Variants in PCDH10 observed in about 807,000 individuals in gnomAD.
PCDH10 encodes the protein protocadherin-10.
PCDH10 carries 15 observed loss-of-function variants against 74.4 expected under a neutral mutation model. The observed-to-expected ratio is 0.20, with a 90% CI of 0.13 to 0.31. The LOEUF (loss-of-function observed/expected upper bound fraction) is 0.31, where lower values mean the gene tolerates loss of function less well. Ranked by LOEUF, PCDH10 falls within the 10% of genes least tolerant of loss-of-function variation. PCDH10 has a pLI of 1.00. For missense variants in PCDH10, 1,260 were observed against 1,390.2 expected (o/e 0.91, Z 1.49); for synonymous variants, 619 against 589.8 (o/e 1.05, Z -0.72).
At chr4:133,176,579 TC>T (rs901198832) in intron 4 of PCDH10, among the ~76,000 whole-genome samples, 2 of 152,142 alleles carry the variant, frequency 1.3e-5, no homozygotes, top group African/African-American at 4.8e-5. Context: ...CTCCAAATGT[TC>T]TTTTCACAAT....
chr4:133,179,813 A>C (rs1401410942), intron 4 of PCDH10, among the ~76,000 whole-genome samples: 2 of 152,130 alleles, frequency 1.3e-5, no homozygotes, highest in Admixed American at 1.3e-4. Flanking sequence ...GTAGACGCTC[A>C]TAAATGCTTA....
chr4:133,154,214 A>C, intron 1 of PCDH10, 93 bp from the exon 2 acceptor site: 1 of 743,024 alleles, frequency 1.3e-6, no homozygotes, highest in Non-Finnish European at 2.3e-6. Context: ...GTATACAATT[A>C]CTTAAGCTAG....
rs2125856582 is a variant in PCDH10, at chr4:133,149,978, A to G, written c.-163A>G. 9.6e-7 allele frequency: 1 copy of G among 1,040,008 alleles called. No homozygotes were observed. Among genetic ancestry groups the G allele is most frequent in the East Asian group, 2.8e-5 (1 of 35,776 alleles). The allele number at this position is 1,040,008 out of a possible 1,614,324, so 64.4% of individuals were successfully genotyped here. ...AGGCTGGATTGCGGGAAGCTCTAAA[A>G]TGAAGCAAAAGGAGTAAGATTTTTA... is the stretch of plus-strand genomic sequence containing the variant. On this transcript the variant is annotated 5_prime_UTR_variant, in exon 1 of 5. An upstream start codon of the reference 5' UTR is lost. Transcript: ENST00000264360.
intron 4 of PCDH10, among the ~76,000 whole-genome samples, chr4:133,175,446 G>A (rs961857675): frequency 6.6e-6 from 1 of 151,998 alleles, no homozygotes; most frequent in Non-Finnish European, 1.5e-5. Context: ...CTAGAACTAG[G>A]TTATAGAAAT....
At chr4:133,171,196 C>G (rs937327403) in intron 4 of PCDH10, among the ~76,000 whole-genome samples, 1 of 152,072 alleles carries the variant, frequency 6.6e-6, no homozygotes, top group Non-Finnish European at 1.5e-5. Flanking sequence ...CCAATATTAC[C>G]TGTGTTTGAT....
Position 133,151,205 on chromosome 4 carries a change from G to A in PCDH10, c.1065G>A (p.Ala355=), listed in dbSNP as rs1301235071. The stretch of plus-strand genomic sequence containing the variant: ...GAGTACTGGATGCTAATGACAACGC[G>A]CCAGAGATCAGCTTCAGCACCGTGA... ...LVRVLDANDN[A]PEISFSTVKE... The change falls in exon 1 of 5, where the codon GCG becomes GCA. Residue 355 remains alanine (A), a synonymous_variant. Transcript: ENST00000264360. The A allele has an allele frequency of 6.2e-7, 1 of 1,614,024 alleles. No individual in the cohort carries two copies. The highest frequency in any genetic ancestry group is 2.2e-5 in the East Asian group (1 of 44,864).
intron 2 of PCDH10, among the ~76,000 whole-genome samples, chr4:133,154,712 C>T (rs1020039369): frequency 6.6e-6 from 1 of 152,136 alleles, no homozygotes; most frequent in Admixed American, 6.5e-5. Flanking sequence ...CTAAACTTTA[C>T]ATGACTTAAG....
chr4:133,154,828 G>A lies in PCDH10; in HGVS notation c.2691-89G>A. The A allele has an allele frequency of 4.5e-6, 4 of 893,308 alleles. No individual in the cohort carries two copies. In the South Asian group the frequency reaches 5.6e-5, roughly 12 times the overall value. The allele number at this position is 893,308 out of a possible 1,614,324, so 55.3% of individuals were successfully genotyped here. ...CAACTAAGAGGTCTGTGAGTCTGCA[G>A]CACCATCTGTGACCATGTGGTGGCA... On this transcript the variant is annotated intron_variant, in intron 2 of 4. Coordinates refer to ENST00000264360, the MANE Select transcript of PCDH10 (RefSeq NM_032961.3).
intron 2 of PCDH10, among the ~76,000 whole-genome samples, chr4:133,204,258 C>T (rs1727959994): frequency 6.6e-6 from 1 of 152,142 alleles, no homozygotes; most frequent in Admixed American, 6.5e-5. Flanking sequence ...TATCGGTCCC[C>T]TCCCTTTCTA....
chr4:133,152,289 A>T lies in PCDH10; in HGVS notation c.2149A>T (p.Ile717Phe). The change falls in exon 1 of 5, where the codon ATC (isoleucine) becomes TTC (phenylalanine). Residue 717 changes from isoleucine to phenylalanine, a missense_variant. Around this residue, in one of 11 missense-constraint regions of PCDH10, gnomAD observed 587 missense variants for 616.9 expected, o/e 0.95. Coordinates refer to ENST00000264360, the MANE Select transcript of PCDH10 (RefSeq NM_032961.3). ...GGAAACCTCGCTAGACCTCACCCTC[A>T]TCCTCATCATCGCGTTGGGCTCGGT... The part of the protein sequence containing the change: ...GGETSLDLTL[I>F]LIIALGSVSF... 6.2e-7 allele frequency: 1 copy of T among 1,613,860 alleles called. No homozygotes were observed. The highest frequency in any genetic ancestry group is 8.5e-7 in the Non-Finnish European group (1 of 1,179,960).
intron 4 of PCDH10, among the ~76,000 whole-genome samples, chr4:133,187,251 A>G (rs1182736975): frequency 1.3e-5 from 2 of 152,124 alleles, no homozygotes; most frequent in African/African-American, 4.8e-5. Flanking sequence ...TGCACAGAGT[A>G]CTGCCTTGAA....
chr4:133,180,032 A>G (rs1727379783), intron 4 of PCDH10, among the ~76,000 whole-genome samples: 1 of 151,902 alleles, frequency 6.6e-6, no homozygotes, highest in Non-Finnish European at 1.5e-5. Flanking sequence ...ACTCTATTTT[A>G]TCTTCTTTCA....
At position 133,165,031 on chromosome 4, in the gene PCDH10, C is replaced by G. The variant is rs148931786; in HGVS notation, c.3103+1749C>G. ...TCATATATATGTGTATATATATGCA[C>G]TAACACATTCCAACATATATTCATA... On this transcript the variant is annotated intron_variant, in intron 4 of 4. Coordinates refer to ENST00000264360, the MANE Select transcript of PCDH10 (RefSeq NM_032961.3). 6.9e-3 allele frequency among the ~76,000 whole-genome samples: 1,012 copies of G among 147,278 alleles called. 10 individuals carry two copies. Among genetic ancestry groups the G allele is most frequent in the South Asian group, 0.023 (108 of 4,744 alleles).
At position 133,190,771 on chromosome 4, in the gene PCDH10, A is replaced by T. The variant is rs1440828549; in HGVS notation, c.*611A>T. 2 of 150,292 alleles carry T rather than the reference A, an allele frequency of 1.3e-5. No individual in the cohort carries two copies. Among genetic ancestry groups the T allele is most frequent in the Non-Finnish European group, 3.0e-5 (2 of 67,536 alleles). 9.3% of individuals were successfully genotyped at this position (150,292 alleles called of 1,614,324 possible). A position where few individuals can be genotyped will look rare whatever the true frequency, so the allele number is the denominator to read the frequency against. Reference sequence around the variant, plus strand: ...AAATATAAAATATATATATTATATTATATAATTTTCCTAAAATGTGGTACA... The same window carrying T: ...AAATATAAAATATATATATTATATTTTATAATTTTCCTAAAATGTGGTACA... On this transcript the variant is annotated 3_prime_UTR_variant, in exon 5 of 5. Transcript: ENST00000264360.
At chr4:133,173,341 C>T (rs1200918867) in intron 4 of PCDH10, among the ~76,000 whole-genome samples, 3 of 151,934 alleles carry the variant, frequency 2.0e-5, no homozygotes, top group Admixed American at 6.6e-5. Flanking sequence ...GTTAATCTGT[C>T]TTTATGGAGA....
intron 4 of PCDH10, among the ~76,000 whole-genome samples, chr4:133,187,443 T>G (rs79290067): frequency 0.06 from 9,194 of 152,118 alleles, 737 homozygotes; most frequent in African/African-American, 0.19. Flanking sequence ...TCACAGACAC[T>G]GAGGGATAAC....
intron 4 of PCDH10, among the ~76,000 whole-genome samples, chr4:133,184,698 AATAT>A (rs1039703019): frequency 6.9e-6 from 1 of 145,132 alleles, no homozygotes; most frequent in African/African-American, 2.5e-5. Flanking sequence ...ATTTATATAA[AATAT>A]ATATATTTAT....
intron 4 of PCDH10, among the ~76,000 whole-genome samples, chr4:133,175,714 T>C (rs949523893): frequency 1.3e-5 from 2 of 152,140 alleles, no homozygotes; most frequent in African/African-American, 4.8e-5. Flanking sequence ...TTAAGTGATC[T>C]GTACCTACTG....
chr4:133,177,564 C>G (rs1225085127), intron 4 of PCDH10, among the ~76,000 whole-genome samples: 1 of 152,044 alleles, frequency 6.6e-6, no homozygotes, highest in African/African-American at 2.4e-5. Context: ...AGTTTTAGTG[C>G]CCAATTTCAT....
Sources: allele counts gnomAD v4.1 joint callset (sites outside exome capture counted in the v4.1 genomes callset), GRCh38; gene constraint gnomAD v4.1.1; regional missense constraint gnomAD v4.1.1; transcripts MANE v1.5; gene names NCBI Gene and HGNC (gene_info 2026-07-23, HGNC 2026-07-21).